The following CRYBG2 variants were observed in gnomAD, a reference collection of about 807,000 sequenced individuals.
CRYBG2 encodes the protein beta/gamma crystallin domain-containing protein 2.
CRYBG2 carries 106 observed loss-of-function variants against 153.4 expected under a neutral mutation model. The ratio of observed to expected loss-of-function variants is 0.69; its 90% CI spans 0.59 to 0.81. The LOEUF (loss-of-function observed/expected upper bound fraction) is 0.81, where lower values mean the gene tolerates loss of function less well. Among genes scored for constraint, CRYBG2 ranks in the 30% least tolerant of loss-of-function variants. The pLI is 0.00. For synonymous variants in CRYBG2, 851 were observed against 877.8 expected, an observed-to-expected ratio of 0.97 and a Z score of 0.54; for missense variants, 1,996 against 2,112.0, an observed-to-expected ratio of 0.95 and a Z score of 1.08.
rs769089602 is a variant in CRYBG2 at position 26,336,445 on chromosome 1, G to A, written c.4039-75C>T. On this transcript the variant is annotated intron_variant, in intron 12 of 19. Transcript: ENST00000308182. This position sits in a 1 kb window ranked among gnomAD's most constrained non-coding sequence, Gnocchi z 4.9. ...CTTGTCTTCTCTAGGTTTCAGTACC[G>A]TCCACCCCGCGGCCGCGCCCTCGGC... 1.9e-6 allele frequency: 3 copies of A among 1,577,550 alleles called. No individual in the cohort carries two copies. The highest frequency in any genetic ancestry group is 1.8e-5 in the Admixed American group (1 of 54,608).
chr1:26,330,600 G>A (rs1048239546), intron 15 of CRYBG2, among the ~76,000 whole-genome samples: 2 of 147,760 alleles, frequency 1.4e-5, no homozygotes, highest in East Asian at 3.9e-4. Context: ...GTACGGTGGC[G>A]TTATCAGGGC....
intron 17 of CRYBG2, 69 bp from the exon 18 acceptor site, chr1:26,324,379 A>C (rs1289743375): frequency 5.5e-6 from 8 of 1,465,816 alleles, no homozygotes; most frequent in East Asian, 2.5e-5. Context: ...AGTACCCTCA[A>C]CTCTGGACTC....
At chr1:26,340,762 G>A (rs552537836) in intron 5 of CRYBG2, among the ~76,000 whole-genome samples, 41 of 151,966 alleles carry the variant, frequency 2.7e-4, no homozygotes, top group African/African-American at 8.2e-4. Flanking sequence ...ACAGGCACCC[G>A]CCACCATGCC....
rs143892451 is a variant in CRYBG2, at chr1:26,337,623, G to A, written c.3559C>T (p.Arg1187Ter). 1.2e-6 allele frequency: 2 copies of A among 1,612,964 alleles called. No individual in the cohort carries two copies. Residue 1187 changes from arginine (R) to a stop codon, truncating the protein, a stop_gained, in exon 9 of 20, where the codon CGA (arginine) becomes TGA (stop). Transcript: ENST00000308182. LOFTEE classifies it high-confidence loss of function. ...GFQGRSWEVS[R>*]DIYNLQQPED... ...GGCTGCTGAAGGTTGTAGATGTCTC[G>A]GCTCACTTCCCAGCTGCGGCCCTGA...
chr1:26,344,463 G>T lies in CRYBG2; in HGVS notation c.2195C>A (p.Ala732Asp), dbSNP rs1211030044. Reference sequence around the variant, plus strand: ...AGAGACAAGCTGGGACTCCGTGCTGGCCTCTGCTCCTGTTGGCACTGGGGC... The same window carrying T: ...AGAGACAAGCTGGGACTCCGTGCTGTCCTCTGCTCCTGTTGGCACTGGGGC... ...TPAPVPTGAE[A>D]STESQLVSDP... The change falls in exon 2 of 20, where the codon GCC (alanine) becomes GAC (aspartate). Residue 732 changes from alanine to aspartate, a missense_variant. Ala to Asp is a moderately radical substitution (Grantham distance 126). Transcript: ENST00000308182. 2 of 1,534,476 alleles carry T rather than the reference G, an allele frequency of 1.3e-6. No homozygotes were observed.
Position 26,339,297 on chromosome 1 carries a change from C to T in CRYBG2, c.3337G>A (p.Ala1113Thr), listed in dbSNP as rs1191650843. 2 of 1,613,744 alleles carry T rather than the reference C, an allele frequency of 1.2e-6. No individual in the cohort carries two copies. The highest frequency in any genetic ancestry group is 2.2e-5 in the South Asian group (2 of 91,026). The change falls in exon 6 of 20, where the codon GCA becomes ACA. Residue 1113 changes from alanine (A) to threonine (T), a missense_variant. Transcript: ENST00000308182. ...PLQVASATVSAGLWLLYPKPL... is the reference protein window; with the variant it reads ...PLQVASATVSTGLWLLYPKPL... ...AGAATAGACCAGACTCACAGTCCTG[C>T]AGAGACGGTGGCAGATGCCACCTGC...
intron 15 of CRYBG2, among the ~76,000 whole-genome samples, chr1:26,331,195 C>G (rs563593108): frequency 6.6e-6 from 1 of 152,360 alleles, no homozygotes; most frequent in South Asian, 2.1e-4. Flanking sequence ...CGCACCACTC[C>G]TGTATCTGGA....
chr1:26,353,626 T>C (rs1293673616), intron 1 of CRYBG2, among the ~76,000 whole-genome samples: 1 of 152,162 alleles, frequency 6.6e-6, no homozygotes, highest in Non-Finnish European at 1.5e-5. Context: ...CATTTTCAGC[T>C]ACCAAATCCT....
At chr1:26,340,045 A>G (rs1467189445) in intron 5 of CRYBG2, among the ~76,000 whole-genome samples, 1 of 152,126 alleles carries the variant, frequency 6.6e-6, no homozygotes, top group Non-Finnish European at 1.5e-5. Context: ...TGGTGGGAGG[A>G]TGGGCAAGAT....
Position 26,339,447 on chromosome 1 carries a change from A to G in CRYBG2, c.3205-18T>C, listed in dbSNP as rs138263294. ...CTGTAGTCCTGTGGAAGGAGGGGGA[A>G]AATTAAATATAGATAAACAGCCAGG... is the stretch of plus-strand genomic sequence containing the variant. On this transcript the variant is annotated intron_variant, in intron 5 of 19. Transcript: ENST00000308182. 2.0e-5 allele frequency: 32 copies of G among 1,612,972 alleles called. No individual in the cohort carries two copies. The highest frequency in any genetic ancestry group is 6.7e-5 in the East Asian group (3 of 44,884).
chr1:26,339,514 G>A (rs1159791656), intron 5 of CRYBG2, 85 bp from the exon 6 acceptor site: 25 of 1,451,044 alleles, frequency 1.7e-5, no homozygotes, highest in Admixed American at 5.8e-5. Context: ...TTGGGAGGCC[G>A]AGGCGGGCAG....
At chr1:26,348,646 C>T (rs576879698) in intron 1 of CRYBG2, among the ~76,000 whole-genome samples, 1 of 152,184 alleles carries the variant, frequency 6.6e-6, no homozygotes, top group African/African-American at 2.4e-5. Flanking sequence ...ACCTCCTCCT[C>T]CCAGGTTCAA....
Position 26,324,251 on chromosome 1 carries a change from G to A in CRYBG2, c.4638C>T (p.Asp1546=). 6.2e-7 allele frequency: 1 copy of A among 1,612,386 alleles called. No individual in the cohort carries two copies. The highest frequency in any genetic ancestry group is 8.5e-7 in the Non-Finnish European group (1 of 1,179,950). Residue 1546 remains aspartate (D), a synonymous_variant, in exon 18 of 20, where the codon GAC becomes GAT. Coordinates refer to ENST00000308182, the MANE Select transcript of CRYBG2 (RefSeq NM_001039775.4). ...AALGGFLAVP[D]HVEDMKAGRV... Reference sequence around the variant, plus strand: ...GGCCTGCTTTCATGTCCTCCACATGGTCCGGCACTGCCAGGAATCCCCCCA... The same window carrying A: ...GGCCTGCTTTCATGTCCTCCACATGATCCGGCACTGCCAGGAATCCCCCCA...
At chr1:26,352,106 C>A (rs934961641) in intron 1 of CRYBG2, among the ~76,000 whole-genome samples, 3 of 151,892 alleles carry the variant, frequency 2.0e-5, no homozygotes, top group Non-Finnish European at 4.4e-5. Flanking sequence ...TGGATTCTCC[C>A]CACTTACCTG....
In CRYBG2 at chr1:26,343,227, C is replaced by G; in HGVS notation, c.2961+19G>C. 1 of 1,550,592 alleles carries G rather than the reference C, an allele frequency of 6.4e-7. No homozygotes were observed. The highest frequency in any genetic ancestry group is 2.0e-5 in the Admixed American group (1 of 50,986). ...CCCTGCATCCTGCTGCCCCCACCCA[C>G]TTGCCCCCACAACCCTACCTTTCCA... is the stretch of plus-strand genomic sequence containing the variant. On this transcript the variant is annotated intron_variant, in intron 3 of 19. Coordinates refer to ENST00000308182, the MANE Select transcript of CRYBG2 (RefSeq NM_001039775.4). This position sits in a 1 kb window ranked among gnomAD's most constrained non-coding sequence, Gnocchi z 4.1.
rs2073863517 is a variant in CRYBG2 at position 26,322,037 on chromosome 1, CCGGT to C, written c.4913_4916del (p.Asp1638GlyfsTer39). The C allele has an allele frequency of 6.2e-7, 1 of 1,606,706 alleles. No individual in the cohort carries two copies. The highest frequency in any genetic ancestry group is 1.1e-5 in the South Asian group (1 of 90,860). ...CCGGCTCCCATAGCACCACGTGGTCCCGGTCGTAGCCCCGGCCTCCTGGGGGTGG... is the reference window on the plus strand; with the variant it reads ...CCGGCTCCCATAGCACCACGTGGTCCCGTAGCCCCGGCCTCCTGGGGGTGG... On this transcript the variant is annotated frameshift_variant, in exon 20 of 20. Transcript: ENST00000308182. LOFTEE classifies it high-confidence loss of function.
chr1:26,322,976 G>T (rs1040602456), intron 18 of CRYBG2, among the ~76,000 whole-genome samples: 1 of 152,134 alleles, frequency 6.6e-6, no homozygotes, highest in Non-Finnish European at 1.5e-5. Context: ...TGCACTGGCT[G>T]TTCCCTCTGC....
Position 26,346,436 on chromosome 1 carries a change from C to G in CRYBG2, c.222G>C (p.Glu74Asp). Reference protein sequence around the residue: ...EVNGFATQEEETVNCQGPRDT... With the variant: ...EVNGFATQEEDTVNCQGPRDT... ...CCCGAGGGCCCTGGCAATTCACAGT[C>G]TCTTCTTCCTGTGTTGCAAAGCCAT... Residue 74 changes from glutamate to aspartate, a missense_variant, in exon 2 of 20, where the codon GAG (glutamate) becomes GAC (aspartate). By Grantham distance (45) the Glu-to-Asp change is conservative. Transcript: ENST00000308182. This position sits in a 1 kb window ranked among gnomAD's most constrained non-coding sequence, Gnocchi z 4.9. 1.2e-6 allele frequency: 2 copies of G among 1,602,918 alleles called. No individual in the cohort carries two copies. Among genetic ancestry groups the G allele is most frequent in the Non-Finnish European group, 1.7e-6 (2 of 1,179,698 alleles).
intron 10 of CRYBG2, 86 bp downstream of exon 10, chr1:26,337,167 G>T (rs199990062): frequency 6.3e-7 from 1 of 1,582,236 alleles, no homozygotes; most frequent in Admixed American, 1.7e-5. Context: ...CGGAGAGGGG[G>T]TACAAATTCT....
Sources: gnomAD v4.1 joint callset for allele counts (sites outside exome capture counted in the v4.1 genomes callset) on GRCh38, gnomAD v4.1.1 for gene constraint, Gnocchi (gnomAD v3.1) non-coding constraint, MANE v1.5 for transcripts, NCBI Gene and HGNC (gene_info 2026-07-23, HGNC 2026-07-21) for gene names.